TNFSF4: variants seen among roughly 807,000 people sequenced by gnomAD.
TNFSF4 encodes the protein tumor necrosis factor ligand superfamily member 4.
TNFSF4 carries 4 observed loss-of-function variants against 7.3 expected under a neutral mutation model. The ratio of observed to expected loss-of-function variants is 0.55; its 90% CI spans 0.27 to 1.25. The LOEUF (loss-of-function observed/expected upper bound fraction) is 1.25, where lower values mean the gene tolerates loss of function less well. TNFSF4 is among the 50% of genes most tolerant of loss of function. The pLI is 0.12. For missense variants in TNFSF4, 181 were observed against 208.8 expected (o/e 0.87, Z 0.82); for synonymous variants, 76 against 83.7 (o/e 0.91, Z 0.50).
chr1:173,353,921 A>C, the TNFSF4 span, among the ~76,000 whole-genome samples: 1 of 152,182 alleles, frequency 6.6e-6, no homozygotes, highest in African/African-American at 2.4e-5. Flanking sequence ...ATAATTCTAA[A>C]GAACTAGAAA....
the TNFSF4 span, among the ~76,000 whole-genome samples, chr1:173,378,875 C>CT: frequency 1.2e-5 from 1 of 85,530 alleles, no homozygotes. Context: ...CAAGAACCCC[C>CT]CTCCCCCCCC....
the TNFSF4 span, among the ~76,000 whole-genome samples, chr1:173,231,167 C>T: frequency 6.6e-6 from 1 of 152,188 alleles, no homozygotes. Flanking sequence ...GACCAATATC[C>T]CTGATGAACA....
chr1:173,330,529 C>T, the TNFSF4 span, among the ~76,000 whole-genome samples: 1 of 152,080 alleles, frequency 6.6e-6, no homozygotes, highest in Non-Finnish European at 1.5e-5. Flanking sequence ...CATTTTCTAA[C>T]AGAAAAAGCA....
At chr1:173,298,533 G>A in the TNFSF4 span, among the ~76,000 whole-genome samples, 15 of 151,636 alleles carry the variant, frequency 9.9e-5, no homozygotes, top group African/African-American at 3.6e-4. Flanking sequence ...CTTCTTTTTT[G>A]GAATCTCCTG....
the TNFSF4 span, among the ~76,000 whole-genome samples, chr1:173,353,464 C>A: frequency 6.6e-6 from 1 of 152,136 alleles, no homozygotes; most frequent in South Asian, 2.1e-4. Context: ...CTCCTGTGTG[C>A]GTGTGCATGT....
the TNFSF4 span, among the ~76,000 whole-genome samples, chr1:173,219,115 C>A: frequency 6.6e-6 from 1 of 152,096 alleles, no homozygotes; most frequent in Non-Finnish European, 1.5e-5. Flanking sequence ...GAGACACCTA[C>A]TTTGTTTTAA....
At chr1:173,447,425 C>T in the TNFSF4 span, among the ~76,000 whole-genome samples, 9 of 152,124 alleles carry the variant, frequency 5.9e-5, no homozygotes, top group South Asian at 2.1e-4. Flanking sequence ...GTTCATCACC[C>T]GTAACAAAGG....
chr1:173,206,860 G>C (rs1650217555), intron 1 of TNFSF4, among the ~76,000 whole-genome samples, 164 bp downstream of exon 1: 1 of 152,188 alleles, frequency 6.6e-6, no homozygotes, highest in Non-Finnish European at 1.5e-5. Flanking sequence ...GGAAGGAAAG[G>C]AGAGACAGAA....
At chr1:173,342,161 A>G in the TNFSF4 span, among the ~76,000 whole-genome samples, 1 of 152,182 alleles carries the variant, frequency 6.6e-6, no homozygotes, top group Non-Finnish European at 1.5e-5. Context: ...TTTGACCAGT[A>G]ACAGGCACAG....
At chr1:173,356,524 T>G in the TNFSF4 span, among the ~76,000 whole-genome samples, 1 of 152,182 alleles carries the variant, frequency 6.6e-6, no homozygotes, top group African/African-American at 2.4e-5. Flanking sequence ...ACTATTCTGG[T>G]TTTTTGGTCT....
the TNFSF4 span, among the ~76,000 whole-genome samples, chr1:173,377,558 G>A: frequency 2.2e-4 from 33 of 152,160 alleles, no homozygotes; most frequent in Non-Finnish European, 5.9e-5. Flanking sequence ...TGCGTCCTGG[G>A]TCCTAATGCT....
the TNFSF4 span, among the ~76,000 whole-genome samples, chr1:173,316,706 T>C: frequency 6.6e-6 from 1 of 152,106 alleles, no homozygotes; most frequent in Admixed American, 6.5e-5. Flanking sequence ...GTGATGGCTA[T>C]AGTTTTTTTC....
intron 1 of TNFSF4, among the ~76,000 whole-genome samples, chr1:173,195,149 G>A (rs1649646431): frequency 6.6e-6 from 1 of 152,034 alleles, no homozygotes; most frequent in Non-Finnish European, 1.5e-5. Context: ...TATCATAAGA[G>A]TAAATAACAC....
chr1:173,199,453 A>T (rs1293742393), intron 1 of TNFSF4, among the ~76,000 whole-genome samples: 1 of 152,208 alleles, frequency 6.6e-6, no homozygotes, highest in Non-Finnish European at 1.5e-5. Flanking sequence ...GAAGACACAC[A>T]AGATACACAT....
the TNFSF4 span, among the ~76,000 whole-genome samples, chr1:173,414,621 T>C: frequency 3.5e-4 from 54 of 152,268 alleles, no homozygotes; most frequent in African/African-American, 1.2e-3. Context: ...AGCTTCAAAG[T>C]ATGAAGTAGA....
chr1:173,404,292 G>T, the TNFSF4 span, among the ~76,000 whole-genome samples: 12 of 152,166 alleles, frequency 7.9e-5, no homozygotes, highest in East Asian at 1.9e-3. Context: ...TAAGCCCCAG[G>T]GATGATGGCT....
At chr1:173,313,848 T>C in the TNFSF4 span, among the ~76,000 whole-genome samples, 3 of 152,102 alleles carry the variant, frequency 2.0e-5, no homozygotes, top group Admixed American at 2.0e-4. Context: ...ATGTAAATAG[T>C]AATATTTGAA....
chr1:173,432,894 T>G, the TNFSF4 span, among the ~76,000 whole-genome samples: 2 of 152,210 alleles, frequency 1.3e-5, no homozygotes, highest in African/African-American at 4.8e-5. Context: ...GTATTTGCTA[T>G]TAAGAGAAGA....
At chr1:173,265,532 AT>A in the TNFSF4 span, among the ~76,000 whole-genome samples, 13 of 152,308 alleles carry the variant, frequency 8.5e-5, no homozygotes, top group East Asian at 2.5e-3. Context: ...ATAAACCCAC[AT>A]TATGTCAATG....
Sources: allele counts gnomAD v4.1 joint callset (sites outside exome capture counted in the v4.1 genomes callset), GRCh38; gene constraint gnomAD v4.1.1; transcripts MANE v1.5; gene names NCBI Gene and HGNC (gene_info 2026-07-23, HGNC 2026-07-21).